The following NR1D2 variants were observed in gnomAD, a reference collection of about 807,000 sequenced individuals.
The protein encoded by NR1D2 is nuclear receptor subfamily 1 group D member 2, also known as V-erbA-related protein 1-related.
In NR1D2, 25 loss-of-function variants were observed where a neutral mutation model predicts 52.2. The ratio of observed to expected loss-of-function variants is 0.48; its 90% CI spans 0.35 to 0.67. NR1D2 has a LOEUF of 0.67. Ranked by LOEUF, NR1D2 falls within the 30% of genes least tolerant of loss-of-function variation. NR1D2 has a pLI of 0.01. For synonymous variants in NR1D2, 259 were observed against 230.1 expected, an observed-to-expected ratio of 1.13 and a Z score of -1.14; for missense variants, 681 against 707.2, an observed-to-expected ratio of 0.96 and a Z score of 0.42.
chr3:23,965,280 C>G (rs1706409667), intron 6 of NR1D2, 118 bp downstream of exon 6: 8 of 782,536 alleles, frequency 1.0e-5, no homozygotes, highest in Non-Finnish European at 1.5e-5. Context: ...TGCTCTGTCA[C>G]CCAGGCTGGA....
At chr3:23,971,087 C>T (rs1485322999) in intron 7 of NR1D2, among the ~76,000 whole-genome samples, 1 of 150,150 alleles carries the variant, frequency 6.7e-6, no homozygotes, top group African/African-American at 2.4e-5. Context: ...GGCCAAACAG[C>T]AGCATAAATT....
At chr3:23,967,664 A>G in intron 6 of NR1D2, 149 bp from the exon 7 acceptor site, 2 of 612,868 alleles carry the variant, frequency 3.3e-6, no homozygotes, top group South Asian at 4.1e-5. Flanking sequence ...AATAGAATAG[A>G]GTGGTTTTGA....
intron 1 of NR1D2, chr3:23,946,139 T>C: frequency 1.0e-6 from 1 of 984,174 alleles, no homozygotes; most frequent in Non-Finnish European, 1.2e-6. Flanking sequence ...CCCCGCGGGG[T>C]TGCACACTGC....
At chr3:23,949,750 A>T (rs1211134952) in intron 1 of NR1D2, among the ~76,000 whole-genome samples, 3 of 152,238 alleles carry the variant, frequency 2.0e-5, no homozygotes, top group Non-Finnish European at 4.4e-5. Context: ...CTTGGTGATA[A>T]AATGTTTTGT....
At chr3:23,977,134 A>T in intron 7 of NR1D2, 89 bp from the exon 8 acceptor site, 2 of 696,086 alleles carry the variant, frequency 2.9e-6, no homozygotes, top group Non-Finnish European at 2.1e-6. Context: ...TCTATTCGTT[A>T]GTGACACTGA....
In NR1D2 at chr3:23,977,553, A is replaced by G. The variant is rs546255893; in HGVS notation, c.*134A>G. 51 of 529,392 alleles carry G rather than the reference A, an allele frequency of 9.6e-5. 1 individual carries two copies. In the South Asian group the frequency reaches 2.2e-3, roughly 23 times the overall value. The allele number at this position is 529,392 out of a possible 1,614,324, so 32.8% of individuals were successfully genotyped here. A position where few individuals can be genotyped will look rare whatever the true frequency, so the allele number is the denominator to read the frequency against. On this transcript the variant is annotated 3_prime_UTR_variant, in exon 8 of 8. Coordinates refer to ENST00000312521, the MANE Select transcript of NR1D2 (RefSeq NM_005126.5). ...TAAAAGATTGTAGGCTATCTCTGTA[A>G]TCATGCAATAGCTGTTCGGATTGAG...
chr3:23,958,049 CTG>C (rs888892132), intron 3 of NR1D2, among the ~76,000 whole-genome samples: 2 of 152,178 alleles, frequency 1.3e-5, no homozygotes, highest in African/African-American at 4.8e-5. Context: ...TACCATGAAA[CTG>C]GAGATCTTTG....
At position 23,980,585 on chromosome 3, in the gene NR1D2, T is replaced by TG. The variant is rs1706849517; in HGVS notation, c.*3172dup. On this transcript the variant is annotated 3_prime_UTR_variant, in exon 8 of 8. Coordinates refer to ENST00000312521, the MANE Select transcript of NR1D2 (RefSeq NM_005126.5). Reference sequence around the variant, plus strand: ...ATGTTTCTGAGAAGTAATCTGTATGTGGGGGGAGGGGATAATAAATATTTC... The same window carrying TG: ...ATGTTTCTGAGAAGTAATCTGTATGTGGGGGGGAGGGGATAATAAATATTTC... 1.3e-5 allele frequency: 2 copies of TG among 152,084 alleles called. No individual in the cohort carries two copies. The highest frequency in any genetic ancestry group is 1.9e-4 in the East Asian group (1 of 5,174). The allele number at this position is 152,084 out of a possible 1,614,324, so 9.4% of individuals were successfully genotyped here. A position where few individuals can be genotyped will look rare whatever the true frequency, so the allele number is the denominator to read the frequency against.
intron 1 of NR1D2, among the ~76,000 whole-genome samples, chr3:23,948,146 C>T (rs9835088): frequency 3.3e-5 from 5 of 151,764 alleles, no homozygotes; most frequent in Admixed American, 6.6e-5. Context: ...TTTTAACTTT[C>T]GAATTTTTGT....
Position 23,954,679 on chromosome 3 carries a change from T to C in NR1D2, c.159T>C (p.Gly53=), listed in dbSNP as rs1405444121. 6.2e-7 allele frequency: 1 copy of C among 1,614,162 alleles called. No homozygotes were observed. Among genetic ancestry groups the C allele is most frequent in the South Asian group, 1.1e-5 (1 of 91,076 alleles). The stretch of plus-strand genomic sequence containing the variant: ...ATAGCTCTAATTCTGATACCAATGG[T>C]AATCCCAAGAATGGTGATCTCGCCA... ...SPNSSNSDTN[G]NPKNGDLANI... is the part of the protein sequence containing the mutation. Residue 53 remains glycine, a synonymous_variant, in exon 2 of 8, where the codon GGT becomes GGC. Coordinates refer to ENST00000312521, the MANE Select transcript of NR1D2 (RefSeq NM_005126.5).
intron 3 of NR1D2, among the ~76,000 whole-genome samples, chr3:23,959,283 A>G (rs1285672390): frequency 1.3e-5 from 2 of 151,100 alleles, no homozygotes; most frequent in Non-Finnish European, 3.0e-5. Context: ...AAAAAAAAAG[A>G]ATCAGTCATT....
At position 23,956,274 on chromosome 3, in the gene NR1D2, G is replaced by A. The variant is rs1377561720; in HGVS notation, c.372+149G>A. The stretch of plus-strand genomic sequence containing the variant: ...TTTAAGCATTTTATGTAGTGTATAA[G>A]CATAACTTGTTTTGAATAATATTCT... On this transcript the variant is annotated intron_variant, in intron 3 of 7. Transcript: ENST00000312521. The A allele has an allele frequency of 7.0e-6, 4 of 572,356 alleles. No individual in the cohort carries two copies. The East Asian group carries it at 8.1e-5, about 12-fold the overall frequency. 35.5% of individuals were successfully genotyped at this position (572,356 alleles called of 1,614,324 possible). A position where few individuals can be genotyped will look rare whatever the true frequency, so the allele number is the denominator to read the frequency against.
At chr3:23,948,339 G>GA (rs1369457585) in intron 1 of NR1D2, among the ~76,000 whole-genome samples, 1 of 152,058 alleles carries the variant, frequency 6.6e-6, no homozygotes, top group Non-Finnish European at 1.5e-5. Flanking sequence ...AAAAGACTTG[G>GA]AAAAAAATTG....
intron 1 of NR1D2, among the ~76,000 whole-genome samples, chr3:23,950,549 T>C (rs954298400): frequency 5.3e-5 from 8 of 152,210 alleles, no homozygotes; most frequent in Non-Finnish European, 1.0e-4. Context: ...ATTTAACCCA[T>C]TTGGGTTGCT....
In NR1D2 at chr3:23,945,538, T is replaced by C; in HGVS notation, c.-41T>C. The stretch of plus-strand genomic sequence containing the variant: ...GCGGCGGCGGCGGCGCTGCCCCCTC[T>C]GCGGGAAGCGGGCGGCCCCGGCCGC... On this transcript the variant is annotated 5_prime_UTR_variant, in exon 1 of 8. Coordinates refer to ENST00000312521, the MANE Select transcript of NR1D2 (RefSeq NM_005126.5). 12 of 1,128,980 alleles carry C rather than the reference T, an allele frequency of 1.1e-5. No individual in the cohort carries two copies. Among genetic ancestry groups the C allele is most frequent in the Non-Finnish European group, 1.3e-5 (12 of 915,854 alleles). The allele number at this position is 1,128,980 out of a possible 1,614,324, so 69.9% of individuals were successfully genotyped here. A position where few individuals can be genotyped will look rare whatever the true frequency, so the allele number is the denominator to read the frequency against.
Position 23,977,345 on chromosome 3 carries a change from C to G in NR1D2, c.1666C>G (p.Leu556Val). 1 of 1,613,820 alleles carries G rather than the reference C, an allele frequency of 6.2e-7. No individual in the cohort carries two copies. Among genetic ancestry groups the G allele is most frequent in the South Asian group, 1.1e-5 (1 of 91,068 alleles). Residue 556 changes from leucine to valine, a missense_variant, in exon 8 of 8, where the codon CTA becomes GTA. By Grantham distance (32) the Leu-to-Val change is conservative. Coordinates refer to ENST00000312521, the MANE Select transcript of NR1D2 (RefSeq NM_005126.5). ...NEASIFTKLLLKLPDLRSLNN... is the reference protein window; with the variant it reads ...NEASIFTKLLVKLPDLRSLNN... ...GGCCTCTATTTTTACAAAACTGCTTCTAAAGTTGCCAGATCTTCGATCTTT... is the reference window on the plus strand; with the variant it reads ...GGCCTCTATTTTTACAAAACTGCTTGTAAAGTTGCCAGATCTTCGATCTTT...
chr3:23,954,612 A>G lies in NR1D2; in HGVS notation c.92A>G (p.Asn31Ser). ...PASCHSEGSE[N>S]SFQSSSSSVP... is the part of the protein sequence containing the mutation. Reference sequence around the variant, plus strand: ...TCTTGTCACAGTGAGGGTTCTGAGAATAGTTTCCAGTCCTCCTCCTCTTCT... The same window carrying G: ...TCTTGTCACAGTGAGGGTTCTGAGAGTAGTTTCCAGTCCTCCTCCTCTTCT... Residue 31 changes from asparagine (N) to serine (S), a missense_variant, in exon 2 of 8, where the codon AAT (asparagine) becomes AGT (serine). Asn to Ser is a conservative substitution (Grantham distance 46). This residue lies in a region of NR1D2 where 94 missense variants were observed against 90.4 expected (regional missense o/e 1.04). Coordinates refer to ENST00000312521, the MANE Select transcript of NR1D2 (RefSeq NM_005126.5). 6.2e-7 allele frequency: 1 copy of G among 1,614,108 alleles called. No individual in the cohort carries two copies. Among genetic ancestry groups the G allele is most frequent in the Non-Finnish European group, 8.5e-7 (1 of 1,179,962 alleles).
intron 7 of NR1D2, among the ~76,000 whole-genome samples, chr3:23,976,063 G>A (rs1290545244): frequency 2.0e-5 from 3 of 152,112 alleles, no homozygotes; most frequent in Non-Finnish European, 4.4e-5. Context: ...GTTGTAAAGG[G>A]AAAAAAATAC....
intron 5 of NR1D2, among the ~76,000 whole-genome samples, chr3:23,964,159 A>T (rs1291329510): frequency 4.0e-5 from 6 of 150,760 alleles, no homozygotes; most frequent in African/African-American, 1.5e-4. Flanking sequence ...GCTCACTGCA[A>T]CCTCCGCCTC....
Sources: gnomAD v4.1 joint callset for allele counts (sites outside exome capture counted in the v4.1 genomes callset) on GRCh38, gnomAD v4.1.1 for gene constraint, gnomAD v4.1.1 regional missense constraint, MANE v1.5 for transcripts, NCBI Gene and HGNC (gene_info 2026-07-23, HGNC 2026-07-21) for gene names.